The following ANKRD39 variants were observed in gnomAD, a reference collection of about 807,000 sequenced individuals.
The protein encoded by ANKRD39 is ankyrin repeat domain 39, also known as ankyrin repeat domain-containing protein 39.
In ANKRD39, 18 loss-of-function variants were observed where a neutral mutation model predicts 20.3. The observed-to-expected ratio is 0.89, with a 90% CI of 0.61 to 1.32. ANKRD39 has a LOEUF of 1.32. Among genes scored for constraint, ANKRD39 ranks in the 40% most tolerant of loss-of-function variants. ANKRD39 has a pLI of 0.00. For missense variants in ANKRD39, 243 were observed against 250.7 expected (o/e 0.97, Z 0.21); for synonymous variants, 106 against 111.9 (o/e 0.95, Z 0.33).
Position 96,857,968 on chromosome 2 carries a change from C to T in ANKRD39, c.20G>A (p.Cys7Tyr). 6 of 1,554,698 alleles carry T rather than the reference C, an allele frequency of 3.9e-6. No individual in the cohort carries two copies. Among genetic ancestry groups the T allele is most frequent in the South Asian group, 1.2e-5 (1 of 84,816 alleles). The change falls in exon 1 of 4, where the codon TGC (cysteine) becomes TAC (tyrosine). Residue 7 changes from cysteine (C) to tyrosine (Y), a missense_variant. Physicochemically the swap from Cys to Tyr is radical, Grantham distance 194 (BLOSUM62 -2). Coordinates refer to ENST00000393537, the MANE Select transcript of ANKRD39 (RefSeq NM_016466.6). MATPRP[C>Y]ADGPCCSHPS... is the part of the protein sequence containing the mutation. ...ATGCGAGCAGCAGGGCCCGTCCGCGCAGGGCCGAGGCGTCGCCATCCCGGC... is the reference window on the plus strand; with the variant it reads ...ATGCGAGCAGCAGGGCCCGTCCGCGTAGGGCCGAGGCGTCGCCATCCCGGC...
rs1163881580 is a variant in ANKRD39 at position 96,857,887 on chromosome 2, C to G, written c.100+1G>C. On this transcript the variant is annotated splice_donor_variant, in intron 1 of 3. Coordinates refer to ENST00000393537, the MANE Select transcript of ANKRD39 (RefSeq NM_016466.6). LOFTEE classifies it high-confidence loss of function. ...CCACGAGGGCCGCGCGGCAGCCTCA[C>G]CCCTCTCGAAGTCCATCTCCTCCAG... The G allele has an allele frequency of 2.5e-6, 4 of 1,576,104 alleles. No homozygotes were observed. In the Admixed American group the frequency reaches 7.1e-5, roughly 28 times the overall value.
In ANKRD39 at chr2:96,848,149, C is replaced by T; in HGVS notation, c.*152G>A. The T allele has an allele frequency of 9.8e-7, 1 of 1,018,116 alleles. No individual in the cohort carries two copies. Among genetic ancestry groups the T allele is most frequent in the South Asian group, 1.7e-5 (1 of 58,040 alleles). The allele number at this position is 1,018,116 out of a possible 1,614,324, so 63.1% of individuals were successfully genotyped here. A position where few individuals can be genotyped will look rare whatever the true frequency, so the allele number is the denominator to read the frequency against. On this transcript the variant is annotated 3_prime_UTR_variant, in exon 4 of 4. Coordinates refer to ENST00000393537, the MANE Select transcript of ANKRD39 (RefSeq NM_016466.6). ...TTAAACACTTTTAGCCACACCAAATCTACTCCCTCGCTTCCACAGTGACCA... is the reference window on the plus strand; with the variant it reads ...TTAAACACTTTTAGCCACACCAAATTTACTCCCTCGCTTCCACAGTGACCA...
Position 96,854,444 on chromosome 2 carries a change from G to A in ANKRD39, c.101-3C>T. ...ATTCAGGGCTGCCGACCAGATTCCT[G>A]CAGAAAGGCAACCAAAGGACTGAAT... On this transcript the variant is annotated splice_region_variant and splice_polypyrimidine_tract_variant and intron_variant, in intron 1 of 3. Coordinates refer to ENST00000393537, the MANE Select transcript of ANKRD39 (RefSeq NM_016466.6). The A allele has an allele frequency of 6.2e-7, 1 of 1,614,014 alleles. No homozygotes were observed. The highest frequency in any genetic ancestry group is 2.2e-5 in the East Asian group (1 of 44,884).
intron 3 of ANKRD39, among the ~76,000 whole-genome samples, chr2:96,850,233 C>T (rs1293584035): frequency 6.6e-6 from 1 of 152,242 alleles, no homozygotes; most frequent in Non-Finnish European, 1.5e-5. Flanking sequence ...TCAGCTGGTC[C>T]TCCTAATGAG....
At chr2:96,852,358 A>G (rs1351352615) in intron 3 of ANKRD39, among the ~76,000 whole-genome samples, 3 of 143,202 alleles carry the variant, frequency 2.1e-5, no homozygotes, top group Non-Finnish European at 3.0e-5. Context: ...CTGTACTCCA[A>G]CCTGGGTGAC....
At chr2:96,853,321 T>C in intron 3 of ANKRD39, 80 bp downstream of exon 3, 2 of 1,466,002 alleles carry the variant, frequency 1.4e-6, no homozygotes, top group Non-Finnish European at 1.9e-6. Context: ...GATTTCCTGT[T>C]TTCCCCATGT....
intron 3 of ANKRD39, among the ~76,000 whole-genome samples, 161 bp downstream of exon 3, chr2:96,853,240 A>T (rs1362437135): frequency 6.6e-6 from 1 of 152,236 alleles, no homozygotes; most frequent in East Asian, 1.9e-4. Flanking sequence ...AGGCTGGAGA[A>T]TTACCCATTA....
intron 3 of ANKRD39, among the ~76,000 whole-genome samples, chr2:96,851,391 C>G (rs146473991): frequency 0.031 from 4,788 of 152,010 alleles, 241 homozygotes; most frequent in African/African-American, 0.11. Context: ...CCCGACCTCA[C>G]GTGATCTGCC....
In ANKRD39 at chr2:96,853,414, G is replaced by T. The variant is rs1413343738; in HGVS notation, c.395C>A (p.Thr132Asn). 7.0e-6 allele frequency: 11 copies of T among 1,578,598 alleles called. No homozygotes were observed. The highest frequency in any genetic ancestry group is 9.5e-6 in the Non-Finnish European group (11 of 1,162,328). ...NPRVVDDDGM[T>N]SLHKAAERGH... ...GAACGGGCCCACCTTATGCAGACTG[G>T]TCATGCCGTCGTCATCCACCACCCT... The change falls in exon 3 of 4, where the codon ACC becomes AAC. Residue 132 changes from threonine to asparagine, a missense_variant. Coordinates refer to ENST00000393537, the MANE Select transcript of ANKRD39 (RefSeq NM_016466.6).
intron 3 of ANKRD39, among the ~76,000 whole-genome samples, chr2:96,849,672 T>TA (rs1288759837): frequency 6.6e-6 from 1 of 151,624 alleles, no homozygotes; most frequent in Non-Finnish European, 1.5e-5. Flanking sequence ...TAAAAAAAAA[T>TA]AAGAGACAGG....
At chr2:96,851,284 G>A (rs1259133679) in intron 3 of ANKRD39, among the ~76,000 whole-genome samples, 2 of 152,104 alleles carry the variant, frequency 1.3e-5, no homozygotes, top group Non-Finnish European at 2.9e-5. Flanking sequence ...AGCCTCCTGA[G>A]TAGCTGTGAT....
At chr2:96,852,252 G>A (rs1453662499) in intron 3 of ANKRD39, among the ~76,000 whole-genome samples, 2 of 151,270 alleles carry the variant, frequency 1.3e-5, no homozygotes, top group Non-Finnish European at 2.9e-5. Flanking sequence ...GGTCATGGTG[G>A]TGCAGGCATG....
At chr2:96,855,117 G>A (rs950111930) in intron 1 of ANKRD39, among the ~76,000 whole-genome samples, 1 of 152,166 alleles carries the variant, frequency 6.6e-6, no homozygotes. Context: ...AGGGTGGCAT[G>A]GCGACAGACA....
intron 2 of ANKRD39, 143 bp downstream of exon 2, chr2:96,854,195 G>C (rs2079852173): frequency 2.5e-5 from 20 of 797,232 alleles, no homozygotes; most frequent in Non-Finnish European, 4.0e-5. Flanking sequence ...AGGTTCATAT[G>C]ATGCTTAAAA....
Position 96,848,484 on chromosome 2 carries a change from C to A in ANKRD39, c.409-40G>T, listed in dbSNP as rs115120038. 4,765 of 1,610,754 alleles carry A rather than the reference C, an allele frequency of 3.0e-3. 115 individuals carry two copies. In the African/African-American group the frequency reaches 0.054, roughly 18 times the overall value. On this transcript the variant is annotated intron_variant, in intron 3 of 3. Coordinates refer to ENST00000393537, the MANE Select transcript of ANKRD39 (RefSeq NM_016466.6). ...GCTGGAATCAAAGGGCATACCCCCCCACTGGGCTCTGCTCTCTCTTGTTCC... is the reference window on the plus strand; with the variant it reads ...GCTGGAATCAAAGGGCATACCCCCCAACTGGGCTCTGCTCTCTCTTGTTCC...
intron 3 of ANKRD39, among the ~76,000 whole-genome samples, chr2:96,852,525 A>C (rs1050670091): frequency 6.6e-6 from 1 of 150,856 alleles, no homozygotes; most frequent in African/African-American, 2.4e-5. Context: ...AAAAAAAAAA[A>C]AAAAACCTGG....
intron 3 of ANKRD39, among the ~76,000 whole-genome samples, chr2:96,852,715 T>G (rs2079844411): frequency 6.6e-6 from 1 of 152,082 alleles, no homozygotes; most frequent in South Asian, 2.1e-4. Context: ...TTTACACACA[T>G]ATATGATTTA....
At chr2:96,855,365 C>T (rs1398457032) in intron 1 of ANKRD39, among the ~76,000 whole-genome samples, 3 of 152,204 alleles carry the variant, frequency 2.0e-5, no homozygotes, top group African/African-American at 2.4e-5. Flanking sequence ...TCAAAGAGTA[C>T]TGCAGACCTA....
Position 96,848,422 on chromosome 2 carries a change from T to A in ANKRD39, c.431A>T (p.Asp144Val), listed in dbSNP as rs2079820779. 1.2e-5 allele frequency: 19 copies of A among 1,614,092 alleles called. No homozygotes were observed. Among genetic ancestry groups the A allele is most frequent in the Non-Finnish European group, 1.5e-5 (18 of 1,180,004 alleles). The part of the protein sequence containing the change: ...LHKAAERGHG[D>V]ICSLLLQHSP... ...GTGTTGCAGGAGGAGGGAGCAGATG[T>A]CCCCGTGACCCCTCTCAGCAGCCTG... The change falls in exon 4 of 4, where the codon GAC (aspartate) becomes GTC (valine). Residue 144 changes from aspartate to valine, a missense_variant. Asp to Val is a radical substitution (Grantham distance 152, BLOSUM62 -3). Coordinates refer to ENST00000393537, the MANE Select transcript of ANKRD39 (RefSeq NM_016466.6).
Sources: gnomAD v4.1 joint callset for allele counts (sites outside exome capture counted in the v4.1 genomes callset) on GRCh38, gnomAD v4.1.1 for gene constraint, MANE v1.5 for transcripts, NCBI Gene and HGNC (gene_info 2026-07-23, HGNC 2026-07-21) for gene names.